The following ACTR3C variants were observed in gnomAD, a reference collection of about 807,000 sequenced individuals.
ACTR3C encodes the protein actin-related protein 3C.
A neutral mutation model predicts 26.3 loss-of-function variants in ACTR3C; 18 were observed. The observed-to-expected ratio is 0.68, with a 90% CI of 0.47 to 1.01. ACTR3C has a LOEUF of 1.01. ACTR3C is among the 50% of genes least tolerant of loss of function. ACTR3C has a pLI of 0.00. For synonymous variants in ACTR3C, 55 were observed against 94.5 expected, an observed-to-expected ratio of 0.58 and a Z score of 2.42; for missense variants, 184 against 250.7, an observed-to-expected ratio of 0.73 and a Z score of 1.80.
the ACTR3C span, among the ~76,000 whole-genome samples, chr7:150,192,349 A>G: frequency 6.6e-6 from 1 of 151,948 alleles, no homozygotes; most frequent in South Asian, 2.1e-4. Flanking sequence ...GCACTGCTGG[A>G]GTGCAGTGGT....
chr7:150,234,084 C>T, the ACTR3C span, among the ~76,000 whole-genome samples: 1 of 152,092 alleles, frequency 6.6e-6, no homozygotes, highest in Non-Finnish European at 1.5e-5. Context: ...TTTGGGCATC[C>T]TTATATACTC....
chr7:149,955,545 G>A, the ACTR3C span, among the ~76,000 whole-genome samples: 1 of 152,104 alleles, frequency 6.6e-6, no homozygotes, highest in African/African-American at 2.4e-5. Flanking sequence ...TCGCAGTGAG[G>A]AAGGGCGGGG....
chr7:149,908,758 A>C, the ACTR3C span, among the ~76,000 whole-genome samples: 101 of 152,192 alleles, frequency 6.6e-4, 3 homozygotes, highest in East Asian at 0.018. Context: ...AATAACCTGA[A>C]ATATAGATAG....
chr7:150,189,016 C>G, the ACTR3C span, among the ~76,000 whole-genome samples: 2 of 151,112 alleles, frequency 1.3e-5, no homozygotes, highest in East Asian at 1.9e-4. Flanking sequence ...TGAGTTCACA[C>G]GGATACCACC....
the ACTR3C span, among the ~76,000 whole-genome samples, chr7:149,889,089 A>G: frequency 6.6e-6 from 1 of 152,184 alleles, no homozygotes; most frequent in Non-Finnish European, 1.5e-5. Context: ...AAACTGGAAG[A>G]AACTATTTGT....
At chr7:150,068,782 CAAAAA>C in the ACTR3C span, among the ~76,000 whole-genome samples, 1 of 76,756 alleles carries the variant, frequency 1.3e-5, no homozygotes, top group African/African-American at 4.3e-5. Context: ...GACTCCGTCC[CAAAAA>C]AAAAAAAAAA....
chr7:150,320,007 G>A (rs1797337941), intron 1 of ACTR3C, among the ~76,000 whole-genome samples: 1 of 152,196 alleles, frequency 6.6e-6, no homozygotes, highest in South Asian at 2.1e-4. Flanking sequence ...ATCCATCCCT[G>A]ACTGGTCTTT....
chr7:149,930,261 T>C, the ACTR3C span, among the ~76,000 whole-genome samples: 1 of 152,166 alleles, frequency 6.6e-6, no homozygotes, highest in Non-Finnish European at 1.5e-5. Context: ...CTGATTTTGA[T>C]GATTGGAATG....
At chr7:150,291,829 C>T (rs1310493665) in intron 3 of ACTR3C, among the ~76,000 whole-genome samples, 1 of 151,816 alleles carries the variant, frequency 6.6e-6, no homozygotes, top group Non-Finnish European at 1.5e-5. Flanking sequence ...TCAAGATCCA[C>T]CGAAAGGAGT....
At chr7:150,263,319 CCATCTGTCTGT>C (rs1563156977) in intron 6 of ACTR3C, among the ~76,000 whole-genome samples, 1 of 152,242 alleles carries the variant, frequency 6.6e-6, no homozygotes, top group Non-Finnish European at 1.5e-5. Context: ...CTGTAAGAAT[CCATCTGTCTGT>C]CTATCTAATC....
At chr7:150,307,790 T>G (rs1173562287) in intron 1 of ACTR3C, among the ~76,000 whole-genome samples, 1 of 152,184 alleles carries the variant, frequency 6.6e-6, no homozygotes, top group African/African-American at 2.4e-5. Flanking sequence ...AAAATCCACT[T>G]ACAACCTCAG....
At chr7:150,087,009 C>T in the ACTR3C span, among the ~76,000 whole-genome samples, 57 of 152,228 alleles carry the variant, frequency 3.7e-4, no homozygotes, top group African/African-American at 1.3e-3. Flanking sequence ...ACAGAGAGGC[C>T]AGCCTCTAAA....
At chr7:149,961,675 T>A in the ACTR3C span, among the ~76,000 whole-genome samples, 1 of 150,710 alleles carries the variant, frequency 6.6e-6, no homozygotes, top group African/African-American at 2.4e-5. Flanking sequence ...CATAGAAGTA[T>A]AAATTCACAA....
the ACTR3C span, among the ~76,000 whole-genome samples, chr7:150,086,156 G>T: frequency 6.6e-6 from 1 of 151,924 alleles, no homozygotes; most frequent in African/African-American, 2.4e-5. Context: ...GTTAATTTTT[G>T]TATTTTTAGT....
At chr7:149,905,525 A>G in the ACTR3C span, among the ~76,000 whole-genome samples, 5 of 150,936 alleles carry the variant, frequency 3.3e-5, no homozygotes, top group South Asian at 6.4e-4. Flanking sequence ...AAGTATTACT[A>G]TATCAAAATT....
chr7:150,012,317 C>CTTTTTTTTTTTTTTTTTTTTTTTTTTTTT, the ACTR3C span, among the ~76,000 whole-genome samples: 2 of 131,258 alleles, frequency 1.5e-5, 1 homozygote. Context: ...ATAAATGCAT[C>CTTTTTTTTTTTTTTTTTTTTTTTTTTTTT]TTTTTTTTTT....
At chr7:150,129,682 A>T in the ACTR3C span, among the ~76,000 whole-genome samples, 3 of 152,122 alleles carry the variant, frequency 2.0e-5, no homozygotes, top group South Asian at 6.2e-4. Context: ...AAAATATGTG[A>T]TATTGGTAAA....
intron 6 of ACTR3C, among the ~76,000 whole-genome samples, chr7:150,283,582 A>C (rs1392317434): frequency 6.6e-6 from 1 of 151,740 alleles, no homozygotes; most frequent in Non-Finnish European, 1.5e-5. Flanking sequence ...AATTCAAAAA[A>C]TACGCAAACT....
intron 6 of ACTR3C, among the ~76,000 whole-genome samples, chr7:150,267,094 C>T (rs533522924): frequency 1.3e-5 from 2 of 152,316 alleles, no homozygotes; most frequent in Admixed American, 6.5e-5. Flanking sequence ...AAATGTCCAC[C>T]AGCAGGGGAC....
Sources: allele counts gnomAD v4.1 joint callset (sites outside exome capture counted in the v4.1 genomes callset), GRCh38; gene constraint gnomAD v4.1.1; transcripts MANE v1.5; gene names NCBI Gene and HGNC (gene_info 2026-07-23, HGNC 2026-07-21).